LRRC37A2: variants seen among roughly 807,000 people sequenced by gnomAD.
LRRC37A2 encodes the protein leucine rich repeat containing 37 member A2.
LRRC37A2 carries 9 observed loss-of-function variants against 68.8 expected under a neutral mutation model. That is an observed-to-expected ratio of 0.13 (90% CI 0.08 to 0.23). LRRC37A2 has a LOEUF of 0.23. LRRC37A2 is among the 10% of genes least tolerant of loss of function. The pLI is 1.00. For synonymous variants in LRRC37A2, 63 were observed against 367.6 expected, an observed-to-expected ratio of 0.17 and a Z score of 9.48; for missense variants, 168 against 950.4, an observed-to-expected ratio of 0.18 and a Z score of 10.82.
At chr17:46,521,415 TACTC>T (rs1469794033) in intron 4 of LRRC37A2, among the ~76,000 whole-genome samples, 2 of 51,534 alleles carry the variant, frequency 3.9e-5, no homozygotes, top group Non-Finnish European at 9.6e-5. Flanking sequence ...ATTTTCCTTC[TACTC>T]ACTCCCCCCT....
the LRRC37A2 span, chr17:46,885,305 C>T: frequency 4.3e-6 from 1 of 230,980 alleles, no homozygotes; most frequent in South Asian, 4.1e-5. Flanking sequence ...TGCGCCTGGC[C>T]AGCATTTTTT....
the LRRC37A2 span, among the ~76,000 whole-genome samples, chr17:46,730,863 C>T: frequency 5.3e-5 from 8 of 152,162 alleles, no homozygotes; most frequent in East Asian, 1.2e-3. Flanking sequence ...AGTGAGATAC[C>T]ACTCATTGCA....
chr17:46,748,638 A>T, the LRRC37A2 span, among the ~76,000 whole-genome samples: 2 of 152,218 alleles, frequency 1.3e-5, no homozygotes, highest in Non-Finnish European at 2.9e-5. Context: ...CCAGAACTAC[A>T]GCTGTGCCCC....
chr17:46,953,243 T>C, the LRRC37A2 span, among the ~76,000 whole-genome samples: 1 of 151,378 alleles, frequency 6.6e-6, no homozygotes, highest in African/African-American at 2.4e-5. Context: ...TTCCCCTTCC[T>C]GTGTCCATGT....
the LRRC37A2 span, among the ~76,000 whole-genome samples, chr17:46,449,817 G>T: frequency 2.9e-5 from 3 of 101,828 alleles, no homozygotes; most frequent in East Asian, 7.4e-4. Flanking sequence ...ACAACCCAAT[G>T]ACAGCACTGC....
the LRRC37A2 span, among the ~76,000 whole-genome samples, chr17:46,889,752 G>A: frequency 3.5e-4 from 53 of 152,144 alleles, no homozygotes; most frequent in African/African-American, 1.2e-3. Context: ...ACTCCTAAGC[G>A]GGACCTTGGA....
the LRRC37A2 span, among the ~76,000 whole-genome samples, chr17:46,767,230 G>A: frequency 6.6e-6 from 1 of 152,010 alleles, no homozygotes; most frequent in Admixed American, 6.6e-5. Flanking sequence ...GGAAGCTTGG[G>A]AACAAAATCC....
chr17:46,953,068 G>A, the LRRC37A2 span, among the ~76,000 whole-genome samples: 6 of 150,942 alleles, frequency 4.0e-5, no homozygotes, highest in Admixed American at 2.0e-4. Flanking sequence ...ATTATTTTAC[G>A]TAAGTTTTAG....
the LRRC37A2 span, among the ~76,000 whole-genome samples, chr17:46,787,223 GA>G: frequency 6.6e-6 from 1 of 151,356 alleles, no homozygotes; most frequent in Non-Finnish European, 1.5e-5. Context: ...TTACAGGTGT[GA>G]GCCAGCGTGC....
the LRRC37A2 span, among the ~76,000 whole-genome samples, chr17:46,850,688 C>A: frequency 1.3e-5 from 2 of 152,176 alleles, no homozygotes; most frequent in Non-Finnish European, 2.9e-5. Context: ...AGGTACCACG[C>A]GCCGCTTTGA....
chr17:46,883,705 C>G, the LRRC37A2 span, among the ~76,000 whole-genome samples: 1 of 152,168 alleles, frequency 6.6e-6, no homozygotes, highest in Non-Finnish European at 1.5e-5. Context: ...GAGTGCTGGG[C>G]ACGGCCTGGG....
the LRRC37A2 span, among the ~76,000 whole-genome samples, chr17:46,811,219 G>C: frequency 2.9e-5 from 3 of 102,668 alleles, no homozygotes; most frequent in Non-Finnish European, 7.7e-5. Flanking sequence ...TGGGATTCAC[G>C]GCTGCGATGC....
chr17:46,975,535 C>G, the LRRC37A2 span: 1 of 152,268 alleles, frequency 6.6e-6, no homozygotes, highest in African/African-American at 2.4e-5. Context: ...CAGTAAACAC[C>G]CTGCAGGCCT....
the LRRC37A2 span, chr17:47,049,085 C>G: frequency 4.0e-6 from 3 of 745,784 alleles, no homozygotes; most frequent in Non-Finnish European, 6.9e-6. Flanking sequence ...TGTCTCCTCT[C>G]TGAATGGCAC....
the LRRC37A2 span, among the ~76,000 whole-genome samples, chr17:46,606,036 G>A: frequency 1.8e-5 from 2 of 110,620 alleles, no homozygotes. Context: ...AAAATTAGCC[G>A]GGTGTGGTGG....
the LRRC37A2 span, among the ~76,000 whole-genome samples, chr17:47,028,898 G>A: frequency 5.0e-4 from 76 of 150,746 alleles, no homozygotes; most frequent in Non-Finnish European, 9.5e-4. Context: ...AAAGTTGTAG[G>A]GCCAGAATGG....
chr17:46,638,625 C>T, the LRRC37A2 span, among the ~76,000 whole-genome samples: 1 of 135,106 alleles, frequency 7.4e-6, no homozygotes, highest in Non-Finnish European at 1.5e-5. Context: ...GATCCATCCG[C>T]CTTGACCTCC....
the LRRC37A2 span, among the ~76,000 whole-genome samples, chr17:46,738,036 T>C: frequency 6.6e-6 from 1 of 151,886 alleles, no homozygotes; most frequent in Non-Finnish European, 1.5e-5. Context: ...TGGGCTCAAT[T>C]GATCCTCCCG....
At chr17:46,780,635 G>A in the LRRC37A2 span, among the ~76,000 whole-genome samples, 7 of 152,170 alleles carry the variant, frequency 4.6e-5, no homozygotes, top group Non-Finnish European at 1.5e-5. Flanking sequence ...AATTAGCCGG[G>A]CGTGGTGGCA....
Sources: allele counts gnomAD v4.1 joint callset (sites outside exome capture counted in the v4.1 genomes callset), GRCh38; gene constraint gnomAD v4.1.1; transcripts MANE v1.5; gene names NCBI Gene and HGNC (gene_info 2026-07-23, HGNC 2026-07-21).